Variants in ZNF385D observed in about 807,000 individuals in gnomAD.
ZNF385D encodes the protein zinc finger protein 659.
In ZNF385D, 15 loss-of-function variants were observed where a neutral mutation model predicts 35.8. The observed-to-expected ratio is 0.42, with a 90% CI of 0.28 to 0.64. The LOEUF (loss-of-function observed/expected upper bound fraction) is 0.64. Among genes scored for constraint, ZNF385D ranks in the 30% least tolerant of loss-of-function variants. The pLI, the probability that ZNF385D is intolerant of heterozygous loss-of-function variation, is 0.23. For missense variants in ZNF385D, 474 were observed against 494.6 expected, an observed-to-expected ratio of 0.96 and a Z score of 0.39; for synonymous variants, 212 against 186.8, an observed-to-expected ratio of 1.13 and a Z score of -1.10.
intron 2 of ZNF385D, among the ~76,000 whole-genome samples, chr3:22,208,730 T>TA (rs1231915072): frequency 1.3e-5 from 2 of 151,190 alleles, no homozygotes; most frequent in Non-Finnish European, 3.0e-5. Context: ...AAAAAAAATT[T>TA]AAAAAATAAT....
chr3:22,346,372 TCTTC>T (rs1255896251), intron 2 of ZNF385D, among the ~76,000 whole-genome samples: 4 of 152,356 alleles, frequency 2.6e-5, no homozygotes, highest in East Asian at 1.9e-4. Flanking sequence ...TACTGGGATA[TCTTC>T]CTTCATTCTA....
chr3:21,673,197 G>A (rs2066626908), intron 1 of ZNF385D, among the ~76,000 whole-genome samples: 1 of 152,028 alleles, frequency 6.6e-6, no homozygotes, highest in African/African-American at 2.4e-5. Context: ...CTAATATGGT[G>A]GCCATTGACA....
intron 1 of ZNF385D, among the ~76,000 whole-genome samples, chr3:21,678,584 G>A (rs748524334): frequency 6.6e-6 from 1 of 152,118 alleles, no homozygotes; most frequent in African/African-American, 2.4e-5. Flanking sequence ...ATTGGAGTTA[G>A]TCCCTTCAAA....
chr3:21,555,848 A>G (rs1384775986), intron 3 of ZNF385D, among the ~76,000 whole-genome samples: 4 of 152,012 alleles, frequency 2.6e-5, no homozygotes, highest in Admixed American at 6.6e-5. Flanking sequence ...AAGCATTCCT[A>G]TTTCTCTACA....
intron 3 of ZNF385D, among the ~76,000 whole-genome samples, chr3:21,943,861 G>T (rs1449096266): frequency 6.6e-6 from 1 of 152,100 alleles, no homozygotes; most frequent in African/African-American, 2.4e-5. Flanking sequence ...GAAATACAAA[G>T]AAATCATTAA....
intron 3 of ZNF385D, among the ~76,000 whole-genome samples, chr3:21,847,483 A>G (rs988549207): frequency 1.3e-5 from 2 of 152,106 alleles, no homozygotes; most frequent in Non-Finnish European, 2.9e-5. Context: ...TAATGATCCA[A>G]TTGTTTTATG....
intron 5 of ZNF385D, among the ~76,000 whole-genome samples, chr3:21,430,159 G>C (rs1038432200): frequency 6.6e-6 from 1 of 151,702 alleles, no homozygotes; most frequent in Non-Finnish European, 1.5e-5. Flanking sequence ...AGAAAACTTT[G>C]GTTTACATTA....
intron 3 of ZNF385D, among the ~76,000 whole-genome samples, chr3:22,162,766 T>C (rs1340818145): frequency 6.6e-6 from 1 of 152,222 alleles, no homozygotes; most frequent in East Asian, 1.9e-4. Context: ...TGTATATCTT[T>C]TAATCTGTTA....
At chr3:22,154,964 G>A (rs1447204316) in intron 3 of ZNF385D, among the ~76,000 whole-genome samples, 1 of 152,088 alleles carries the variant, frequency 6.6e-6, no homozygotes, top group African/African-American at 2.4e-5. Context: ...TACAAGATTT[G>A]GTGGTTGACT....
intron 4 of ZNF385D, among the ~76,000 whole-genome samples, chr3:21,506,066 T>G (rs1706751177): frequency 6.6e-6 from 1 of 152,144 alleles, no homozygotes; most frequent in African/African-American, 2.4e-5. Context: ...AATTTGTAGG[T>G]CTAGTGATTG....
At chr3:21,861,917 A>G (rs1024022826) in intron 3 of ZNF385D, among the ~76,000 whole-genome samples, 1 of 152,146 alleles carries the variant, frequency 6.6e-6, no homozygotes, top group African/African-American at 2.4e-5. Context: ...GCAGCTATAC[A>G]AAAATGAAGC....
intron 3 of ZNF385D, among the ~76,000 whole-genome samples, chr3:21,932,135 C>G (rs1458640268): frequency 8.2e-6 from 1 of 121,960 alleles, no homozygotes; most frequent in Non-Finnish European, 1.6e-5. Flanking sequence ...CCCCTGCACT[C>G]CGGCCTGGGC....
At chr3:21,905,571 T>C (rs978707699) in intron 3 of ZNF385D, among the ~76,000 whole-genome samples, 7 of 151,740 alleles carry the variant, frequency 4.6e-5, no homozygotes, top group Non-Finnish European at 8.8e-5. Flanking sequence ...GGAAAGCAAA[T>C]GATGGAAGTC....
At chr3:22,273,797 ACTT>A (rs1701293102) in intron 2 of ZNF385D, among the ~76,000 whole-genome samples, 4 of 152,100 alleles carry the variant, frequency 2.6e-5, no homozygotes, top group African/African-American at 9.6e-5. Context: ...ATTCAACTGA[ACTT>A]CTACTGGACC....
intron 1 of ZNF385D, among the ~76,000 whole-genome samples, chr3:21,667,161 A>G (rs1027514395): frequency 6.6e-6 from 1 of 152,116 alleles, no homozygotes; most frequent in South Asian, 2.1e-4. Flanking sequence ...AATTACTTTT[A>G]TTTTTGTTGT....
At chr3:21,930,217 T>C (rs1414156074) in intron 3 of ZNF385D, among the ~76,000 whole-genome samples, 1 of 151,550 alleles carries the variant, frequency 6.6e-6, no homozygotes, top group African/African-American at 2.4e-5. Context: ...CAGCAAATGA[T>C]GCTTGAACTA....
At chr3:21,772,157 A>G (rs2071102824) in intron 3 of ZNF385D, among the ~76,000 whole-genome samples, 1 of 151,974 alleles carries the variant, frequency 6.6e-6, no homozygotes, top group African/African-American at 2.4e-5. Flanking sequence ...ATTTGATCAC[A>G]TTGGATTTAG....
intron 3 of ZNF385D, among the ~76,000 whole-genome samples, chr3:21,901,993 G>C (rs557571932): frequency 1.0e-3 from 159 of 152,164 alleles, no homozygotes; most frequent in Middle Eastern, 6.8e-3. Flanking sequence ...CTGTCCATTG[G>C]GTGATAAGCT....
chr3:22,177,332 C>T (rs1437548830), intron 2 of ZNF385D, among the ~76,000 whole-genome samples: 1 of 152,082 alleles, frequency 6.6e-6, no homozygotes, highest in African/African-American at 2.4e-5. Flanking sequence ...AAGGTTTGCC[C>T]CAGAAAAATT....
Sources: gnomAD v4.1 joint callset for allele counts (sites outside exome capture counted in the v4.1 genomes callset) on GRCh38, gnomAD v4.1.1 for gene constraint, MANE v1.5 for transcripts, NCBI Gene and HGNC (gene_info 2026-07-23, HGNC 2026-07-21) for gene names.